The following GAD1 variants were observed in gnomAD, a reference collection of about 807,000 sequenced individuals.
GAD1 encodes the protein glutamate decarboxylase 1.
In GAD1, 35 loss-of-function variants were observed where a neutral mutation model predicts 75.2. The observed-to-expected ratio is 0.47, with a 90% CI of 0.36 to 0.62. GAD1 has a LOEUF of 0.62. GAD1 is among the 20% of genes least tolerant of loss of function. The probability of loss-of-function intolerance (pLI) is 0.00; values close to 1 mark genes in which losing one functional copy is unlikely to be tolerated. For missense variants in GAD1, 490 were observed against 758.5 expected (o/e 0.65, Z 4.16); for synonymous variants, 257 against 271.9 (o/e 0.95, Z 0.54).
At chr2:170,828,222 CTCCTCTTTCTGCTG>C (rs138093433) in intron 3 of GAD1, among the ~76,000 whole-genome samples, 9,415 of 95,830 alleles carry the variant, frequency 0.098, 1,692 homozygotes, top group Non-Finnish European at 0.16. Context: ...ATCCTCACCC[CTCCTCTTTCTGCTG>C]TCCTCACCCC....
At chr2:170,830,346 T>A (rs1482772777) in intron 4 of GAD1, among the ~76,000 whole-genome samples, 1 of 152,240 alleles carries the variant, frequency 6.6e-6, no homozygotes, top group Admixed American at 6.5e-5. Context: ...GCCTGACTAC[T>A]GCAGAGCCTG....
chr2:170,823,809 G>C lies in GAD1; in HGVS notation c.145+1660G>C, dbSNP rs552209358. On this transcript the variant is annotated intron_variant, in intron 3 of 16. Transcript: ENST00000358196. The stretch of plus-strand genomic sequence containing the variant: ...CGAGCCCTGGGCAGCCGAGGACAGG[G>C]TAGGGGCAGGCTCTGGGCGACGGCT... 2.6e-5 allele frequency among the ~76,000 whole-genome samples: 4 copies of C among 151,408 alleles called. No homozygotes were observed. The East Asian group carries it at 7.7e-4, about 29-fold the overall frequency.
At chr2:170,858,938 T>G in intron 16 of GAD1, 45 bp downstream of exon 16, 28 of 1,523,420 alleles carry the variant, frequency 1.8e-5, no homozygotes, top group Non-Finnish European at 2.5e-5. Context: ...GCAATTTCTC[T>G]GGCTGGTCAG....
At chr2:170,846,883 C>T (rs1702645204) in intron 10 of GAD1, among the ~76,000 whole-genome samples, 1 of 152,124 alleles carries the variant, frequency 6.6e-6, no homozygotes, top group Non-Finnish European at 1.5e-5. Context: ...TGGTGCACGC[C>T]TATAGTCCCA....
intron 6 of GAD1, among the ~76,000 whole-genome samples, chr2:170,843,182 C>A (rs45504098): frequency 6.6e-6 from 1 of 152,224 alleles, no homozygotes; most frequent in Non-Finnish European, 1.5e-5. Context: ...TTAGGCCCCA[C>A]GTTTGGTCTC....
intron 5 of GAD1, among the ~76,000 whole-genome samples, chr2:170,833,182 G>A (rs1012409242): frequency 6.6e-6 from 1 of 152,224 alleles, no homozygotes; most frequent in Non-Finnish European, 1.5e-5. Context: ...TAGGAGGCTG[G>A]TGGTGATAGA....
intron 11 of GAD1, 89 bp downstream of exon 11, chr2:170,847,881 G>A: frequency 1.2e-6 from 1 of 852,682 alleles, no homozygotes; most frequent in Non-Finnish European, 2.0e-6. Flanking sequence ...CCACGCCCCA[G>A]CCAGCCCTCT....
chr2:170,833,076 C>T (rs749490437), intron 5 of GAD1, among the ~76,000 whole-genome samples: 5 of 152,264 alleles, frequency 3.3e-5, no homozygotes, highest in Non-Finnish European at 5.9e-5. Context: ...AAGGCCACAA[C>T]TGGCAATCCT....
At position 170,844,036 on chromosome 2, in the gene GAD1, C is replaced by A. The variant is rs568985468; in HGVS notation, c.639-9C>A. ...TTTTCTTTCATCCTTCTTCTTACCA[C>A]CTTTCCAGGTTTACATATGAAATTG... is the stretch of plus-strand genomic sequence containing the variant. On this transcript the variant is annotated splice_polypyrimidine_tract_variant and intron_variant, in intron 6 of 16. Transcript: ENST00000358196. The A allele has an allele frequency of 8.3e-5, 120 of 1,439,268 alleles. 1 individual carries two copies. Among genetic ancestry groups the A allele is most frequent in the South Asian group, 7.0e-4 (61 of 87,474 alleles). The allele number at this position is 1,439,268 out of a possible 1,614,324, so 89.2% of individuals were successfully genotyped here. A position where few individuals can be genotyped will look rare whatever the true frequency, so the allele number is the denominator to read the frequency against.
rs1451865347 is a variant in GAD1, at chr2:170,816,974, G to A, written c.-138G>A. On this transcript the variant is annotated 5_prime_UTR_variant, in exon 1 of 17. Transcript: ENST00000358196. ...ACGCCGGGCAGATTACGCCTGTCAG[G>A]GCCGAGCCGAGCGGATCGCTGGGCG... 3 of 196,132 alleles carry A rather than the reference G, an allele frequency of 1.5e-5. No homozygotes were observed. The highest frequency in any genetic ancestry group is 7.1e-5 in the African/African-American group (3 of 42,542). The allele number at this position is 196,132 out of a possible 1,614,324, so 12.1% of individuals were successfully genotyped here.
intron 5 of GAD1, among the ~76,000 whole-genome samples, chr2:170,834,670 T>C (rs905325418): frequency 6.6e-6 from 1 of 152,190 alleles, no homozygotes; most frequent in Non-Finnish European, 1.5e-5. Flanking sequence ...TGCTTTATTA[T>C]CAGCTTTTAC....
intron 11 of GAD1, chr2:170,848,632 T>C (rs1409390637): frequency 1.4e-5 from 7 of 503,010 alleles, no homozygotes; most frequent in Non-Finnish European, 2.4e-5. Context: ...CATTTTCACA[T>C]GTGTGACTGG....
At chr2:170,827,551 C>A (rs530167600) in intron 3 of GAD1, among the ~76,000 whole-genome samples, 9 of 152,312 alleles carry the variant, frequency 5.9e-5, no homozygotes, top group Non-Finnish European at 1.3e-4. Context: ...AACCCTCTTT[C>A]CCCGTTTGCT....
chr2:170,815,938 T>C (rs1304684918), upstream of GAD1, among the ~76,000 whole-genome samples: 1 of 152,234 alleles, frequency 6.6e-6, no homozygotes, highest in African/African-American at 2.4e-5. Context: ...AACGCATTTT[T>C]ACGGCGAGGG....
intron 3 of GAD1, among the ~76,000 whole-genome samples, chr2:170,826,567 C>CCAAAA (rs1702029801): frequency 9.0e-6 from 1 of 110,886 alleles, no homozygotes. Flanking sequence ...GACTCCGTCT[C>CCAAAA]AAAAAAAAAA....
In GAD1 at chr2:170,818,619, G is replaced by A; in HGVS notation, c.28G>A (p.Ala10Thr). 1.2e-6 allele frequency: 2 copies of A among 1,614,124 alleles called. 1 individual carries two copies. Among genetic ancestry groups the A allele is most frequent in the South Asian group, 2.2e-5 (2 of 91,080 alleles). The change falls in exon 2 of 17, where the codon GCA (alanine) becomes ACA (threonine). Residue 10 changes from alanine to threonine, a missense_variant. This residue lies in a region of GAD1 where 165 missense variants were observed against 216.4 expected (regional missense o/e 0.76). Coordinates refer to ENST00000358196, the MANE Select transcript of GAD1 (RefSeq NM_000817.3). This position sits in a 1 kb window ranked among gnomAD's most constrained non-coding sequence, Gnocchi z 5.9. ...GGCGTCTTCGACCCCATCTTCGTCC[G>A]CAACCTCCTCGAACGCGGGAGCGGA... MASSTPSSS[A>T]TSSNAGADPN...
chr2:170,822,204 G>A, intron 3 of GAD1, 55 bp downstream of exon 3: 2 of 1,467,532 alleles, frequency 1.4e-6, no homozygotes, highest in African/African-American at 1.4e-5. Context: ...GCGGACCTTT[G>A]GGGCTTGGGA....
At position 170,822,129 on chromosome 2, in the gene GAD1, A is replaced by T; in HGVS notation, c.125A>T (p.Lys42Ile). 2.5e-6 allele frequency: 4 copies of T among 1,612,686 alleles called. No individual in the cohort carries two copies. Among genetic ancestry groups the T allele is most frequent in the Non-Finnish European group, 3.4e-6 (4 of 1,179,584 alleles). ...WCGVAHGCTR[K>I]LGLKICGFLQ... Reference sequence around the variant, plus strand: ...GGCGTGGCCCATGGATGCACCAGAAAACTGGGGCTCAAGATCTGCGGTAAG... The same window carrying T: ...GGCGTGGCCCATGGATGCACCAGAATACTGGGGCTCAAGATCTGCGGTAAG... The change falls in exon 3 of 17, where the codon AAA becomes ATA. Residue 42 changes from lysine (K) to isoleucine (I), a missense_variant. By Grantham distance (102) the Lys-to-Ile change is moderately radical. Coordinates refer to ENST00000358196, the MANE Select transcript of GAD1 (RefSeq NM_000817.3).
At chr2:170,832,664 G>GCACACA (rs3049892) in intron 5 of GAD1, among the ~76,000 whole-genome samples, 101 of 78,958 alleles carry the variant, frequency 1.3e-3, no homozygotes, top group African/African-American at 2.3e-3. Context: ...GCGCGCGCGC[G>GCACACA]CACACACACA....
Sources: gnomAD v4.1 joint callset for allele counts (sites outside exome capture counted in the v4.1 genomes callset) on GRCh38, gnomAD v4.1.1 for gene constraint, gnomAD v4.1.1 regional missense constraint, Gnocchi (gnomAD v3.1) non-coding constraint, MANE v1.5 for transcripts, NCBI Gene and HGNC (gene_info 2026-07-23, HGNC 2026-07-21) for gene names.